CLNK: variants seen among roughly 807,000 people sequenced by gnomAD.
CLNK encodes the protein cytokine-dependent hematopoietic cell linker.
A neutral mutation model predicts 68.6 loss-of-function variants in CLNK; 74 were observed. The observed-to-expected ratio is 1.08, with a 90% confidence interval of 0.89 to 1.31. CLNK has a LOEUF of 1.31. Among genes scored for constraint, CLNK ranks in the 50% most tolerant of loss-of-function variants. The pLI, the probability that CLNK is intolerant of heterozygous loss-of-function variation, is 0.00. For missense variants in CLNK, 553 were observed against 515.3 expected (o/e 1.07, Z -0.71); for synonymous variants, 198 against 172.2 (o/e 1.15, Z -1.17).
At chr4:10,624,583 C>T (rs1350454256) in intron 2 of CLNK, among the ~76,000 whole-genome samples, 3 of 147,592 alleles carry the variant, frequency 2.0e-5, no homozygotes, top group Non-Finnish European at 1.5e-5. Flanking sequence ...TGAGCCACCG[C>T]GCCCGGCCAG....
rs867646575 is a variant in CLNK at position 10,654,384 on chromosome 4, A to T, written c.11+13475T>A. Reference sequence around the variant, plus strand: ...TATATAGATAAATATATATTGATTAAATATATATATATATATATAGAAAGT... The same window carrying T: ...TATATAGATAAATATATATTGATTATATATATATATATATATATAGAAAGT... On this transcript the variant is annotated intron_variant, in intron 2 of 18. Coordinates refer to ENST00000226951, the MANE Select transcript of CLNK (RefSeq NM_052964.4). Among the ~76,000 whole-genome samples the T allele has an allele frequency of 2.1e-3, 177 of 84,118 alleles. 7 individuals are homozygous for T. Among genetic ancestry groups the T allele is most frequent in the Non-Finnish European group, 3.0e-3 (97 of 32,622 alleles). The allele number at this position is 84,118 out of a possible 152,430, so 55.2% of individuals were successfully genotyped here. A position where few individuals can be genotyped will look rare whatever the true frequency, so the allele number is the denominator to read the frequency against.
chr4:10,564,663 T>A lies in CLNK; in HGVS notation c.399+8A>T, dbSNP rs764186150. 5.7e-6 allele frequency: 9 copies of A among 1,587,232 alleles called. No individual in the cohort carries two copies. Among genetic ancestry groups the A allele is most frequent in the Non-Finnish European group, 7.8e-6 (9 of 1,155,666 alleles). On this transcript the variant is annotated splice_region_variant and intron_variant, in intron 7 of 18. Transcript: ENST00000226951. Reference sequence around the variant, plus strand: ...ATGTTTGTGTCACAATGTCCAGTCTTTACTCACTCTTTCCAACCTCGTCTG... The same window carrying A: ...ATGTTTGTGTCACAATGTCCAGTCTATACTCACTCTTTCCAACCTCGTCTG...
chr4:10,718,901 G>C, the CLNK span, among the ~76,000 whole-genome samples: 1 of 152,034 alleles, frequency 6.6e-6, no homozygotes. Context: ...TGGAAGGAGA[G>C]ATGGGAAAGG....
chr4:10,586,655 G>T (rs570205881), intron 3 of CLNK, among the ~76,000 whole-genome samples: 3 of 152,196 alleles, frequency 2.0e-5, no homozygotes, highest in African/African-American at 7.2e-5. Context: ...CAATGAAGGG[G>T]TCAAATAATG....
chr4:10,633,803 G>C (rs1450401826), intron 2 of CLNK, among the ~76,000 whole-genome samples: 1 of 152,244 alleles, frequency 6.6e-6, no homozygotes, highest in African/African-American at 2.4e-5. Context: ...GCTAGATATT[G>C]TTATGCACTT....
chr4:10,538,742 G>T (rs535819486), intron 11 of CLNK, among the ~76,000 whole-genome samples: 3 of 152,262 alleles, frequency 2.0e-5, no homozygotes, highest in African/African-American at 7.2e-5. Flanking sequence ...GGTTATATGG[G>T]TACTGAAATG....
rs1011395423 is a variant in CLNK at position 10,487,759 on chromosome 4, A to G, written c.*2708T>C. On this transcript the variant is annotated 3_prime_UTR_variant, in exon 19 of 19. Coordinates refer to ENST00000226951, the MANE Select transcript of CLNK (RefSeq NM_052964.4). ...GGCAAACTTTGCTTTGGGCCTCACT[A>G]TGAGCTGGCCAAAACTCTCCCAGAG... 1 of 152,006 alleles carries G rather than the reference A, an allele frequency of 6.6e-6. No individual in the cohort carries two copies. Among genetic ancestry groups the G allele is most frequent in the Non-Finnish European group, 1.5e-5 (1 of 68,008 alleles). The allele number at this position is 152,006 out of a possible 1,614,324, so 9.4% of individuals were successfully genotyped here.
rs1234460218 is a variant in CLNK, at chr4:10,487,311, T to C, written c.*3156A>G. On this transcript the variant is annotated 3_prime_UTR_variant, in exon 19 of 19. Transcript: ENST00000226951. ...GTCGCGACTATGTCACTGTGAGATT[T>C]TGGCCAATGAGGTACAATTTCCTCA... 1 of 152,188 alleles carries C rather than the reference T, an allele frequency of 6.6e-6. No homozygotes were observed. The highest frequency in any genetic ancestry group is 1.5e-5 in the Non-Finnish European group (1 of 68,030). The allele number at this position is 152,188 out of a possible 1,614,324, so 9.4% of individuals were successfully genotyped here.
chr4:10,504,162 C>G (rs7675668), intron 17 of CLNK, among the ~76,000 whole-genome samples: 26,830 of 137,296 alleles, frequency 0.2, 4,427 homozygotes, highest in African/African-American at 0.46. Flanking sequence ...GCTCTGTCGC[C>G]CAGGTTGGAG....
In CLNK at chr4:10,539,759, C is replaced by T. The variant is rs543456131; in HGVS notation, c.602+735G>A. Among the ~76,000 whole-genome samples, 19 of 152,226 alleles carry T rather than the reference C, an allele frequency of 1.2e-4. No homozygotes were observed. The South Asian group carries it at 3.9e-3, about 32-fold the overall frequency. On this transcript the variant is annotated intron_variant, in intron 11 of 18. Coordinates refer to ENST00000226951, the MANE Select transcript of CLNK (RefSeq NM_052964.4). ...TTCATAAAGGCAATAATGTTTTTGA[C>T]AAAAGAGTTTTCAAGCATGGTTATA...
chr4:10,570,858 AAAATGGAT>A, intron 5 of CLNK, among the ~76,000 whole-genome samples: 1 of 152,326 alleles, frequency 6.6e-6, no homozygotes, highest in East Asian at 1.9e-4. Flanking sequence ...ATGATTTCAT[AAAATGGAT>A]GTATCAAGAT....
upstream of CLNK, among the ~76,000 whole-genome samples, chr4:10,688,195 C>A (rs557468952): frequency 6.6e-6 from 1 of 152,082 alleles, no homozygotes; most frequent in East Asian, 1.9e-4. Flanking sequence ...TATGGGACCA[C>A]CAGAAATATT....
chr4:10,581,477 A>G (rs1468815513), intron 4 of CLNK, among the ~76,000 whole-genome samples: 1 of 152,180 alleles, frequency 6.6e-6, no homozygotes. Flanking sequence ...GAAGCCACAG[A>G]TAGTCCAAAC....
intron 3 of CLNK, among the ~76,000 whole-genome samples, chr4:10,585,407 T>C (rs888511558): frequency 2.6e-5 from 4 of 152,244 alleles, no homozygotes; most frequent in Non-Finnish European, 4.4e-5. Flanking sequence ...GCCAATCAAA[T>C]GTAGCCAACT....
chr4:10,659,526 C>A (rs1177998354), intron 2 of CLNK, among the ~76,000 whole-genome samples: 3 of 152,178 alleles, frequency 2.0e-5, no homozygotes, highest in African/African-American at 7.2e-5. Context: ...TTGTTCTCCC[C>A]AGTATGGGAG....
intron 3 of CLNK, among the ~76,000 whole-genome samples, chr4:10,585,944 T>C (rs1720949907): frequency 6.6e-6 from 1 of 151,694 alleles, no homozygotes; most frequent in South Asian, 2.1e-4. Flanking sequence ...CAGATGGGGG[T>C]GGGGGATGGT....
At position 10,525,847 on chromosome 4, in the gene CLNK, A is replaced by G. The variant is rs750071200; in HGVS notation, c.725T>C (p.Ile242Thr). ...NQNTQEIPLA[I>T]SSSSFTTSNH... ...AGGATTCCTGGCTCCTTACCTGCTA[A>G]TGGCAAGTGGAATCTCTTGAGTATT... Residue 242 changes from isoleucine (I) to threonine (T), a missense_variant, in exon 14 of 19, where the codon ATT becomes ACT. Transcript: ENST00000226951. 4.4e-5 allele frequency: 69 copies of G among 1,577,170 alleles called. No homozygotes were observed. The highest frequency in any genetic ancestry group is 5.8e-5 in the Non-Finnish European group (67 of 1,158,062).
intron 2 of CLNK, among the ~76,000 whole-genome samples, chr4:10,633,931 C>T (rs1560254171): frequency 6.6e-6 from 1 of 152,170 alleles, no homozygotes; most frequent in East Asian, 1.9e-4. Flanking sequence ...CACTGAGTTC[C>T]CATTAATACT....
chr4:10,732,148 T>G, the CLNK span, among the ~76,000 whole-genome samples: 13 of 152,368 alleles, frequency 8.5e-5, no homozygotes, highest in Admixed American at 3.9e-4. Flanking sequence ...TTTTGCATAT[T>G]TATTACCTTT....
Sources: gnomAD v4.1 joint callset for allele counts (sites outside exome capture counted in the v4.1 genomes callset) on GRCh38, gnomAD v4.1.1 for gene constraint, MANE v1.5 for transcripts, NCBI Gene and HGNC (gene_info 2026-07-23, HGNC 2026-07-21) for gene names.